The following CPEB1 variants were observed in gnomAD, a reference collection of about 807,000 sequenced individuals.
CPEB1 encodes the protein cytoplasmic polyadenylation element binding protein 1.
In CPEB1, 7 loss-of-function variants were observed where a neutral mutation model predicts 65.8. The ratio of observed to expected loss-of-function variants is 0.11; its 90% confidence interval spans 0.06 to 0.20. CPEB1 has a LOEUF of 0.20. CPEB1 is among the 10% of genes least tolerant of loss of function. The pLI is 1.00. For missense variants in CPEB1, 551 were observed against 712.2 expected, an observed-to-expected ratio of 0.77 and a Z score of 2.58; for synonymous variants, 262 against 260.0, an observed-to-expected ratio of 1.01 and a Z score of -0.08.
chr15:82,602,821 G>A (rs1377181365), intron 3 of CPEB1, among the ~76,000 whole-genome samples: 1 of 152,042 alleles, frequency 6.6e-6, no homozygotes, highest in Non-Finnish European at 1.5e-5. Flanking sequence ...CTCCAGCCTG[G>A]GCGACAGAGC....
chr15:82,585,652 C>T (rs919445283), intron 3 of CPEB1, among the ~76,000 whole-genome samples: 2 of 152,144 alleles, frequency 1.3e-5, no homozygotes, highest in African/African-American at 4.8e-5. Flanking sequence ...CCGAGCCCTT[C>T]CCCCACCATG....
intron 3 of CPEB1, among the ~76,000 whole-genome samples, chr15:82,610,980 A>AGT (rs2044092567): frequency 2.7e-5 from 4 of 148,384 alleles, no homozygotes; most frequent in African/African-American, 9.9e-5. Context: ...AAAAAAAAAA[A>AGT]AAAAAAAAGA....
intron 1 of CPEB1, among the ~76,000 whole-genome samples, chr15:82,644,941 T>C (rs2047379864): frequency 6.6e-6 from 1 of 152,234 alleles, no homozygotes. Context: ...CACTGGTTTG[T>C]GCACTACAGC....
intron 3 of CPEB1, among the ~76,000 whole-genome samples, chr15:82,624,610 C>T (rs751807850): frequency 9.2e-5 from 14 of 152,228 alleles, no homozygotes; most frequent in South Asian, 2.1e-4. Context: ...GTAACAACAT[C>T]GTCACCAGAC....
chr15:82,606,634 T>C lies in CPEB1; in HGVS notation c.271+20559A>G, dbSNP rs1302804983. On this transcript the variant is annotated intron_variant, in intron 3 of 12. Coordinates refer to ENST00000684509, the MANE Select transcript of CPEB1 (RefSeq NM_001365242.1). ...GAGATCGAGACCATCCCGGCTAAAATGGTGAAACCCCGTCTCTACTAAAAA... is the reference window on the plus strand; with the variant it reads ...GAGATCGAGACCATCCCGGCTAAAACGGTGAAACCCCGTCTCTACTAAAAA... Among the ~76,000 whole-genome samples, 2 of 53,278 alleles carry C rather than the reference T, an allele frequency of 3.8e-5. 1 individual carries two copies. Among genetic ancestry groups the C allele is most frequent in the Non-Finnish European group, 7.5e-5 (2 of 26,842 alleles). The allele number at this position is 53,278 out of a possible 152,430, so 35.0% of individuals were successfully genotyped here.
intron 3 of CPEB1, among the ~76,000 whole-genome samples, chr15:82,594,580 T>C (rs2042532713): frequency 6.6e-6 from 1 of 152,230 alleles, no homozygotes; most frequent in East Asian, 1.9e-4. Flanking sequence ...AAGCCTGTCT[T>C]GCTTTCTTAT....
intron 1 of CPEB1, among the ~76,000 whole-genome samples, chr15:82,639,849 ACT>A (rs112948983): frequency 3.3e-3 from 472 of 144,006 alleles, no homozygotes; most frequent in Non-Finnish European, 3.8e-3. Flanking sequence ...ACGCGCAAAC[ACT>A]CTCTCTCTCT....
intron 1 of CPEB1, chr15:82,633,274 T>G (rs2046404043): frequency 6.6e-6 from 1 of 152,142 alleles, no homozygotes; most frequent in Non-Finnish European, 1.5e-5. Context: ...AAACAATTGT[T>G]TAATGCTAAT....
chr15:82,555,959 G>A lies in CPEB1; in HGVS notation c.851C>T (p.Ala284Val), dbSNP rs1333714042. ...PTSASKRWPG[A>V]SVWPSWDLLE... ...GAGGTCCCAGGATGGCCACACAGAA[G>A]CTCCTGGCCATCTCTTTGAAGCACT... The change falls in exon 6 of 13, where the codon GCT (alanine) becomes GTT (valine). Residue 284 changes from alanine to valine, a missense_variant. Physicochemically the swap from Ala to Val is moderately conservative, Grantham distance 64. This residue lies in a region of CPEB1 where 128 missense variants were observed against 129.1 expected (regional missense o/e 0.99). Transcript: ENST00000684509. 3 of 1,613,580 alleles carry A rather than the reference G, an allele frequency of 1.9e-6. No homozygotes were observed. Among genetic ancestry groups the A allele is most frequent in the Non-Finnish European group, 2.5e-6 (3 of 1,179,786 alleles).
chr15:82,616,903 GAT>G (rs776326240), intron 3 of CPEB1, among the ~76,000 whole-genome samples: 104 of 152,270 alleles, frequency 6.8e-4, no homozygotes, highest in African/African-American at 2.2e-3. Flanking sequence ...TGTAGAATTT[GAT>G]ATGTTTCAAC....
At chr15:82,633,098 A>C (rs1257282381) in intron 1 of CPEB1, 2 of 151,848 alleles carry the variant, frequency 1.3e-5, no homozygotes, top group Non-Finnish European at 2.9e-5. Context: ...CTTTTTTTTG[A>C]CCTTTAGTTG....
At chr15:82,590,606 G>A (rs1291914696) in intron 3 of CPEB1, among the ~76,000 whole-genome samples, 1 of 152,120 alleles carries the variant, frequency 6.6e-6, no homozygotes, top group Admixed American at 6.5e-5. Flanking sequence ...CAGGTGTCAA[G>A]TCCAGTACCC....
intron 4 of CPEB1, among the ~76,000 whole-genome samples, chr15:82,568,212 G>C (rs1479311975): frequency 6.6e-6 from 1 of 152,116 alleles, no homozygotes; most frequent in Non-Finnish European, 1.5e-5. Flanking sequence ...ATCTGTACAA[G>C]CATTAAAATC....
At chr15:82,647,960 G>C (rs942409582), upstream of CPEB1, 4 of 1,060,550 alleles carry the variant, frequency 3.8e-6, no homozygotes, top group African/African-American at 1.6e-5. Flanking sequence ...TTTTTGCAGC[G>C]GGCCGCGCGC....
chr15:82,574,880 T>C (rs567874747), intron 3 of CPEB1, among the ~76,000 whole-genome samples: 1 of 152,230 alleles, frequency 6.6e-6, no homozygotes, highest in African/African-American at 2.4e-5. Flanking sequence ...GTTGAAAATA[T>C]TATAAACGGA....
At chr15:82,606,622 T>G (rs1410565923) in intron 3 of CPEB1, among the ~76,000 whole-genome samples, 1 of 48,680 alleles carries the variant, frequency 2.1e-5, no homozygotes, top group Non-Finnish European at 4.1e-5. Flanking sequence ...ATCGAGACCA[T>G]CCCGGCTAAA....
At chr15:82,580,666 C>T (rs532112132) in intron 3 of CPEB1, among the ~76,000 whole-genome samples, 1 of 152,234 alleles carries the variant, frequency 6.6e-6, no homozygotes, top group Admixed American at 6.5e-5. Context: ...CCATTAGACA[C>T]TAATTCCCCA....
intron 4 of CPEB1, among the ~76,000 whole-genome samples, chr15:82,563,640 G>A (rs1225881570): frequency 6.6e-6 from 1 of 151,672 alleles, no homozygotes; most frequent in African/African-American, 2.4e-5. Context: ...CCGTGCCTGG[G>A]CCAATTATCT....
intron 2 of CPEB1, 98 bp from the exon 3 acceptor site, chr15:82,627,465 G>T: frequency 1.1e-6 from 1 of 902,336 alleles, no homozygotes; most frequent in Non-Finnish European, 1.6e-6. Flanking sequence ...AAGGACTTAA[G>T]TATCTTCTTT....
Sources: gnomAD v4.1 joint callset for allele counts (sites outside exome capture counted in the v4.1 genomes callset) on GRCh38, gnomAD v4.1.1 for gene constraint, gnomAD v4.1.1 regional missense constraint, MANE v1.5 for transcripts, NCBI Gene and HGNC (gene_info 2026-07-23, HGNC 2026-07-21) for gene names.